Variants in XPNPEP1 observed in about 807,000 individuals in gnomAD.
XPNPEP1 encodes X-prolyl aminopeptidase 1.
A neutral mutation model predicts 92.4 loss-of-function variants in XPNPEP1; 39 were observed. That is an observed-to-expected ratio of 0.42 (90% confidence interval 0.33 to 0.55). The LOEUF (loss-of-function observed/expected upper bound fraction) is 0.55. Among genes scored for constraint, XPNPEP1 ranks in the 20% least tolerant of loss-of-function variants. The pLI is 0.08. For missense variants in XPNPEP1, 654 were observed against 856.1 expected (o/e 0.76, Z 2.95); for synonymous variants, 307 against 299.4 (o/e 1.03, Z -0.26).
At chr10:109,901,079 T>C (rs894141326) in intron 3 of XPNPEP1, among the ~76,000 whole-genome samples, 45 of 152,200 alleles carry the variant, frequency 3.0e-4, no homozygotes, top group African/African-American at 9.9e-4. Context: ...GTGGCACATA[T>C]ACACCATGGA....
In XPNPEP1 at chr10:109,891,840, GAAA is replaced by G; in HGVS notation, c.311-17_311-15del. On this transcript the variant is annotated splice_polypyrimidine_tract_variant and intron_variant, in intron 4 of 20. Coordinates refer to ENST00000502935, the MANE Select transcript of XPNPEP1 (RefSeq NM_020383.4). ...TGATGGCTGTGCCTGAAGCAGGGGA[GAAA>G]AAAAAAAGAAGAAGAAAGGTTTCTA... 1.4e-6 allele frequency: 2 copies of G among 1,452,432 alleles called. No individual in the cohort carries two copies. The highest frequency in any genetic ancestry group is 2.5e-5 in the South Asian group (2 of 79,948). 90.0% of individuals were successfully genotyped at this position (1,452,432 alleles called of 1,614,324 possible). A position where few individuals can be genotyped will look rare whatever the true frequency, so the allele number is the denominator to read the frequency against.
At chr10:109,888,216 G>A (rs747506388) in intron 6 of XPNPEP1, 24 bp from the exon 7 acceptor site, 6 of 1,604,390 alleles carry the variant, frequency 3.7e-6, no homozygotes, top group Non-Finnish European at 4.2e-6. Context: ...TTGTGGCCCA[G>A]CCATGAGCCG....
At chr10:109,897,819 A>G (rs886847538) in intron 3 of XPNPEP1, among the ~76,000 whole-genome samples, 1 of 151,964 alleles carries the variant, frequency 6.6e-6, no homozygotes, top group Non-Finnish European at 1.5e-5. Context: ...ACACCCAGCT[A>G]ATTTTGGTAT....
intron 11 of XPNPEP1, among the ~76,000 whole-genome samples, 166 bp downstream of exon 11, chr10:109,880,676 T>A (rs1242278708): frequency 1.3e-5 from 2 of 152,156 alleles, no homozygotes; most frequent in African/African-American, 4.8e-5. Context: ...ATCTAATCCA[T>A]CAAGTATTTT....
intron 3 of XPNPEP1, among the ~76,000 whole-genome samples, chr10:109,899,087 C>T (rs1849137137): frequency 1.3e-5 from 2 of 152,164 alleles, no homozygotes; most frequent in Non-Finnish European, 2.9e-5. Context: ...ATGTGGACTC[C>T]TTGTTTCCAA....
intron 3 of XPNPEP1, among the ~76,000 whole-genome samples, chr10:109,902,255 A>G (rs1216742079): frequency 1.3e-5 from 2 of 152,286 alleles, no homozygotes; most frequent in Non-Finnish European, 2.9e-5. Context: ...AGCAGCAAGC[A>G]TTCAAGTGCT....
rs774755157 is a variant in XPNPEP1 at position 109,868,747 on chromosome 10, C to A, written c.1774-35G>T. The stretch of plus-strand genomic sequence containing the variant: ...AAAGAAGAAAACAGATGCTTTTACT[C>A]CTCTTTACTATGCTGAAGCACCATG... On this transcript the variant is annotated intron_variant, in intron 19 of 20. Transcript: ENST00000502935. 11 of 1,580,134 alleles carry A rather than the reference C, an allele frequency of 7.0e-6. No individual in the cohort carries two copies. In the Admixed American group the frequency reaches 1.5e-4, roughly 22 times the overall value.
At chr10:109,876,228 G>T (rs767341379) in intron 14 of XPNPEP1, 1 of 152,384 alleles carries the variant, frequency 6.6e-6, no homozygotes, top group Admixed American at 6.5e-5. Flanking sequence ...TCCCCACACC[G>T]TTTTCAAAAC....
intron 2 of XPNPEP1, among the ~76,000 whole-genome samples, chr10:109,912,214 C>G (rs1158617104): frequency 6.6e-6 from 1 of 152,214 alleles, no homozygotes; most frequent in Non-Finnish European, 1.5e-5. Flanking sequence ...ACACTCAACA[C>G]TTTCCCTCTT....
intron 8 of XPNPEP1, among the ~76,000 whole-genome samples, chr10:109,885,892 T>G (rs1848360570): frequency 6.6e-6 from 1 of 152,134 alleles, no homozygotes; most frequent in Admixed American, 6.5e-5. Flanking sequence ...ACAGGACAAG[T>G]GTAAAGAAAG....
At chr10:109,888,348 C>A in intron 6 of XPNPEP1, 155 bp downstream of exon 6, 1 of 1,233,644 alleles carries the variant, frequency 8.1e-7, no homozygotes, top group South Asian at 1.5e-5. Context: ...ACATCTTCAC[C>A]ACCAGTGGAA....
chr10:109,871,134 T>C (rs904881897), intron 17 of XPNPEP1: 1 of 428,234 alleles, frequency 2.3e-6, no homozygotes, highest in Non-Finnish European at 4.1e-6. Flanking sequence ...TGAGCGGGGA[T>C]AGACACCTAC....
intron 16 of XPNPEP1, among the ~76,000 whole-genome samples, 177 bp downstream of exon 16, chr10:109,873,190 T>C (rs1467783738): frequency 6.6e-6 from 1 of 152,236 alleles, no homozygotes; most frequent in Non-Finnish European, 1.5e-5. Flanking sequence ...CCAAATGTCT[T>C]ATTCCAATAA....
At chr10:109,868,401 T>A (rs899681728) in intron 20 of XPNPEP1, among the ~76,000 whole-genome samples, 1 of 151,476 alleles carries the variant, frequency 6.6e-6, no homozygotes, top group Non-Finnish European at 1.5e-5. Context: ...AACAGGACTA[T>A]CTCCACCTGG....
Position 109,867,384 on chromosome 10 carries a change from C to A in XPNPEP1, c.1872+1230G>T, listed in dbSNP as rs911117328. On this transcript the variant is annotated intron_variant, in intron 20 of 20. Transcript: ENST00000502935. The surrounding 1 kb of genome is among the most constrained non-coding windows in gnomAD (Gnocchi z 4.5). Reference sequence around the variant, plus strand: ...CTTTTCCATATCCATCTACAAGCTGCATAACCCACCCGGTATCAGCAAGGC... The same window carrying A: ...CTTTTCCATATCCATCTACAAGCTGAATAACCCACCCGGTATCAGCAAGGC... Among the ~76,000 whole-genome samples, 5 of 152,244 alleles carry A rather than the reference C, an allele frequency of 3.3e-5. No individual in the cohort carries two copies. Among genetic ancestry groups the A allele is most frequent in the Admixed American group, 1.3e-4 (2 of 15,286 alleles).
At chr10:109,918,495 C>T (rs1486817145) in intron 1 of XPNPEP1, among the ~76,000 whole-genome samples, 1 of 152,056 alleles carries the variant, frequency 6.6e-6, no homozygotes, top group African/African-American at 2.4e-5. Context: ...GGCACGGTGG[C>T]TCACGCCTGT....
intron 3 of XPNPEP1, among the ~76,000 whole-genome samples, chr10:109,897,674 G>A (rs1029155786): frequency 1.4e-5 from 2 of 146,554 alleles, no homozygotes; most frequent in African/African-American, 5.1e-5. Context: ...TTTTTTTTAA[G>A]ATGGGGTCTT....
intron 1 of XPNPEP1, among the ~76,000 whole-genome samples, chr10:109,920,424 A>C (rs1850477477): frequency 6.6e-6 from 1 of 152,242 alleles, no homozygotes; most frequent in African/African-American, 2.4e-5. Flanking sequence ...TTTCTTGTGG[A>C]CAGGGATACA....
chr10:109,907,915 C>T (rs1849646758), intron 2 of XPNPEP1, 100 bp from the exon 3 acceptor site: 2 of 1,520,982 alleles, frequency 1.3e-6, no homozygotes, highest in East Asian at 2.3e-5. Flanking sequence ...CTACGTTCTG[C>T]CCCACTCCCA....
Sources: gnomAD v4.1 joint callset for allele counts (sites outside exome capture counted in the v4.1 genomes callset) on GRCh38, gnomAD v4.1.1 for gene constraint, Gnocchi (gnomAD v3.1) non-coding constraint, MANE v1.5 for transcripts, NCBI Gene and HGNC (gene_info 2026-07-23, HGNC 2026-07-21) for gene names.